KHDRBS2: variants seen among roughly 807,000 people sequenced by gnomAD.
KHDRBS2 encodes KH domain-containing, RNA-binding, signal transduction-associated protein 2.
KHDRBS2 carries 26 observed loss-of-function variants against 44.3 expected under a neutral mutation model. That is an observed-to-expected ratio of 0.59 (90% CI 0.43 to 0.81). The LOEUF (loss-of-function observed/expected upper bound fraction) is 0.81, where lower values mean the gene tolerates loss of function less well. KHDRBS2 is among the 40% of genes least tolerant of loss of function. The probability of loss-of-function intolerance (pLI) is 0.00; values close to 1 mark genes in which losing one functional copy is unlikely to be tolerated. For missense variants in KHDRBS2, 476 were observed against 433.1 expected (o/e 1.10, Z -0.88); for synonymous variants, 194 against 151.1 (o/e 1.28, Z -2.08).
rs188136730 is a variant in KHDRBS2, at chr6:62,167,705, C to T, written c.219+9480G>A. On this transcript the variant is annotated intron_variant, in intron 2 of 8. Coordinates refer to ENST00000281156, the MANE Select transcript of KHDRBS2 (RefSeq NM_152688.4). ...CCATTTACTTTAGAAAAATAAAAAG[C>T]AATGCTGTGCAGTGGTCTGTGGTAA... 1.2e-4 allele frequency among the ~76,000 whole-genome samples: 18 copies of T among 152,162 alleles called. No homozygotes were observed. In the East Asian group the frequency reaches 3.5e-3, roughly 29 times the overall value.
intron 4 of KHDRBS2, among the ~76,000 whole-genome samples, chr6:61,956,471 C>A (rs1392020951): frequency 6.6e-6 from 1 of 152,110 alleles, no homozygotes; most frequent in Admixed American, 6.5e-5. Flanking sequence ...ATCTCAAACA[C>A]CTTCAGCCAG....
intron 7 of KHDRBS2, among the ~76,000 whole-genome samples, chr6:61,712,061 C>G (rs1343342934): frequency 2.0e-5 from 3 of 151,664 alleles, no homozygotes; most frequent in Non-Finnish European, 2.9e-5. Flanking sequence ...CAATCTGAAG[C>G]CAAAACTAAG....
intron 2 of KHDRBS2, among the ~76,000 whole-genome samples, chr6:62,086,689 G>T (rs1326995446): frequency 6.6e-6 from 1 of 152,166 alleles, no homozygotes; most frequent in Non-Finnish European, 1.5e-5. Flanking sequence ...ACAAAGCTGA[G>T]AATAGGAGAA....
At chr6:62,028,235 G>A (rs1352995072) in intron 3 of KHDRBS2, among the ~76,000 whole-genome samples, 1 of 151,978 alleles carries the variant, frequency 6.6e-6, no homozygotes, top group African/African-American at 2.4e-5. Context: ...TAGAAGAAAT[G>A]GGAGTTTTTT....
intron 1 of KHDRBS2, among the ~76,000 whole-genome samples, chr6:62,274,978 A>G (rs944511401): frequency 2.7e-5 from 4 of 150,090 alleles, no homozygotes; most frequent in African/African-American, 4.9e-5. Context: ...TGCTTAACAA[A>G]CACAATATAT....
At chr6:62,035,339 T>C (rs1440879979) in intron 3 of KHDRBS2, among the ~76,000 whole-genome samples, 2 of 151,996 alleles carry the variant, frequency 1.3e-5, no homozygotes, top group African/African-American at 4.8e-5. Context: ...CTGTCACTTG[T>C]AACAACATGG....
At chr6:61,559,373 C>T in the KHDRBS2 span, among the ~76,000 whole-genome samples, 2 of 151,046 alleles carry the variant, frequency 1.3e-5, no homozygotes, top group South Asian at 2.1e-4. Context: ...TTCTATTCAG[C>T]CAGTCTATGT....
At chr6:61,898,420 A>G (rs1803328075) in intron 5 of KHDRBS2, among the ~76,000 whole-genome samples, 2 of 151,990 alleles carry the variant, frequency 1.3e-5, no homozygotes, top group African/African-American at 4.8e-5. Context: ...CTAAGTGATT[A>G]TTGTATTAAT....
the KHDRBS2 span, chr6:61,574,446 G>A: frequency 2.1e-6 from 3 of 1,435,630 alleles, no homozygotes; most frequent in South Asian, 3.8e-5. Flanking sequence ...ATTTACCAAT[G>A]CAAACAACAC....
chr6:62,061,217 T>A (rs1457175225), intron 2 of KHDRBS2, among the ~76,000 whole-genome samples: 1 of 151,792 alleles, frequency 6.6e-6, no homozygotes, highest in Non-Finnish European at 1.5e-5. Context: ...CCTGTCATTA[T>A]GATGTTAGCT....
intron 6 of KHDRBS2, among the ~76,000 whole-genome samples, chr6:61,807,284 A>C (rs191203002): frequency 3.4e-4 from 52 of 152,206 alleles, no homozygotes; most frequent in African/African-American, 1.2e-3. Flanking sequence ...AAGGAACTTA[A>C]AGAATTACCA....
At chr6:61,782,776 T>A (rs1783207984) in intron 6 of KHDRBS2, among the ~76,000 whole-genome samples, 1 of 149,046 alleles carries the variant, frequency 6.7e-6, no homozygotes, top group Non-Finnish European at 1.5e-5. Flanking sequence ...CATATATGTC[T>A]GTATGTGTAT....
chr6:61,603,007 C>T, the KHDRBS2 span, among the ~76,000 whole-genome samples: 1 of 152,012 alleles, frequency 6.6e-6, no homozygotes, highest in East Asian at 1.9e-4. Flanking sequence ...AAGTATAGGA[C>T]ACCTCTACTT....
the KHDRBS2 span, among the ~76,000 whole-genome samples, chr6:61,577,206 T>C: frequency 2.6e-5 from 4 of 152,130 alleles, 1 homozygote; most frequent in South Asian, 8.3e-4. Flanking sequence ...TGAAATTTAT[T>C]TGGAGTAAAA....
intron 6 of KHDRBS2, among the ~76,000 whole-genome samples, chr6:61,831,731 T>C (rs1212763340): frequency 6.6e-6 from 1 of 152,048 alleles, no homozygotes; most frequent in Non-Finnish European, 1.5e-5. Flanking sequence ...GAAAATACAA[T>C]TATATTAAGA....
At chr6:62,104,981 T>G (rs1223101054) in intron 2 of KHDRBS2, among the ~76,000 whole-genome samples, 2 of 151,938 alleles carry the variant, frequency 1.3e-5, no homozygotes, top group East Asian at 3.9e-4. Context: ...CTAGAGACAT[T>G]TAAAGGAAAA....
chr6:61,760,420 C>A (rs1779106229), intron 6 of KHDRBS2, among the ~76,000 whole-genome samples: 1 of 152,056 alleles, frequency 6.6e-6, no homozygotes, highest in South Asian at 2.1e-4. Flanking sequence ...ATCGCTTGAG[C>A]ACAGGAGTTC....
the KHDRBS2 span, among the ~76,000 whole-genome samples, chr6:61,550,200 C>T: frequency 2.0e-5 from 3 of 152,066 alleles, no homozygotes; most frequent in East Asian, 1.9e-4. Context: ...CGCCCTCCTC[C>T]CACCCTCCAC....
At chr6:62,035,940 T>C (rs1584285681) in intron 3 of KHDRBS2, among the ~76,000 whole-genome samples, 1 of 152,156 alleles carries the variant, frequency 6.6e-6, no homozygotes, top group Admixed American at 6.6e-5. Flanking sequence ...CTTCATTAGA[T>C]GTGCAGTTAA....
Sources: allele counts gnomAD v4.1 joint callset (sites outside exome capture counted in the v4.1 genomes callset), GRCh38; gene constraint gnomAD v4.1.1; transcripts MANE v1.5; gene names NCBI Gene and HGNC (gene_info 2026-07-23, HGNC 2026-07-21).